SYT16: variants seen among roughly 807,000 people sequenced by gnomAD.
The protein encoded by SYT16 is synaptotagmin 16.
In SYT16, 42 loss-of-function variants were observed where a neutral mutation model predicts 61.4. That is an observed-to-expected ratio of 0.68 (90% CI 0.53 to 0.89). SYT16 has a LOEUF of 0.89. Among genes scored for constraint, SYT16 ranks in the 40% least tolerant of loss-of-function variants. The pLI is 0.00. For missense variants in SYT16, 804 were observed against 807.3 expected (o/e 1.00, Z 0.05); for synonymous variants, 314 against 302.3 (o/e 1.04, Z -0.40).
At chr14:61,993,042 A>G (rs944571095) in intron 2 of SYT16, among the ~76,000 whole-genome samples, 4 of 151,774 alleles carry the variant, frequency 2.6e-5, no homozygotes, top group Admixed American at 1.3e-4. Flanking sequence ...CGTTTTGATG[A>G]ACAGAGATTA....
chr14:61,888,263 G>A (rs1225270778), intron 1 of SYT16, among the ~76,000 whole-genome samples: 1 of 151,740 alleles, frequency 6.6e-6, no homozygotes, highest in African/African-American at 2.4e-5. Flanking sequence ...GATTACAGGT[G>A]CACGCCACCA....
In SYT16 at chr14:62,104,089, A is replaced by G. The variant is rs1281873870; in HGVS notation, c.*3382A>G. ...TTTCCAGATGAAGTACTATTTAAGT[A>G]GAAACTAGCATTAGGTTAAATCAAA... On this transcript the variant is annotated 3_prime_UTR_variant, in exon 8 of 8. Transcript: ENST00000683842. 6.6e-6 allele frequency: 1 copy of G among 152,248 alleles called. No homozygotes were observed. The highest frequency in any genetic ancestry group is 1.9e-4 in the East Asian group (1 of 5,202). The allele number at this position is 152,248 out of a possible 1,614,324, so 9.4% of individuals were successfully genotyped here.
intron 1 of SYT16, among the ~76,000 whole-genome samples, chr14:61,825,189 A>G (rs549924062): frequency 2.0e-4 from 30 of 152,304 alleles, no homozygotes; most frequent in African/African-American, 7.0e-4. Flanking sequence ...AACAGCTTGT[A>G]AGGGCAGGGT....
chr14:61,923,811 A>G (rs967587050), intron 1 of SYT16, among the ~76,000 whole-genome samples: 1 of 152,160 alleles, frequency 6.6e-6, no homozygotes, highest in African/African-American at 2.4e-5. Context: ...TCATGTCTTT[A>G]TAAAGATTCA....
At position 62,112,346 on chromosome 14, in the gene SYT16, T is replaced by C. The variant is rs1266456839; in HGVS notation, c.*11639T>C. The C allele has an allele frequency of 6.6e-6, 1 of 152,170 alleles. No individual in the cohort carries two copies. The highest frequency in any genetic ancestry group is 6.5e-5 in the Admixed American group (1 of 15,282). The allele number at this position is 152,170 out of a possible 1,614,324, so 9.4% of individuals were successfully genotyped here. A position where few individuals can be genotyped will look rare whatever the true frequency, so the allele number is the denominator to read the frequency against. The stretch of plus-strand genomic sequence containing the variant: ...TATTTTATGCAGTCTAAACACTATT[T>C]CTGTATTAGATATTTAAATGCATGA... On this transcript the variant is annotated 3_prime_UTR_variant, in exon 8 of 8. Transcript: ENST00000683842.
chr14:61,904,193 A>T (rs889875857), intron 1 of SYT16, among the ~76,000 whole-genome samples: 2 of 152,144 alleles, frequency 1.3e-5, no homozygotes, highest in African/African-American at 2.4e-5. Flanking sequence ...CATTCTGTGG[A>T]GTTTTGAATG....
intron 6 of SYT16, among the ~76,000 whole-genome samples, chr14:62,082,304 G>A (rs2056737546): frequency 6.6e-6 from 1 of 152,296 alleles, no homozygotes; most frequent in South Asian, 2.1e-4. Context: ...GTCCAATGAT[G>A]TCTCAAAATT....
At chr14:62,005,716 GC>G (rs2053194733) in intron 3 of SYT16, among the ~76,000 whole-genome samples, 1 of 152,066 alleles carries the variant, frequency 6.6e-6, no homozygotes, top group Non-Finnish European at 1.5e-5. Context: ...TTATACTATG[GC>G]CCCTTTTAAC....
chr14:62,010,806 T>C (rs2140701703), intron 3 of SYT16, among the ~76,000 whole-genome samples: 1 of 152,290 alleles, frequency 6.6e-6, no homozygotes. Flanking sequence ...TATCAGAGCC[T>C]ATTTCAAAAC....
chr14:61,887,246 C>T (rs1311731049), intron 1 of SYT16, among the ~76,000 whole-genome samples: 1 of 152,188 alleles, frequency 6.6e-6, no homozygotes, highest in African/African-American at 2.4e-5. Context: ...GATCTCAACA[C>T]TGGGCTTACA....
At chr14:61,832,665 T>A (rs1342032616) in intron 1 of SYT16, among the ~76,000 whole-genome samples, 1 of 152,166 alleles carries the variant, frequency 6.6e-6, no homozygotes, top group Non-Finnish European at 1.5e-5. Flanking sequence ...CTCGGACACC[T>A]GACCTCAGGT....
intron 1 of SYT16, among the ~76,000 whole-genome samples, chr14:61,830,949 C>G (rs1157318374): frequency 6.6e-6 from 1 of 152,204 alleles, no homozygotes; most frequent in Admixed American, 6.5e-5. Context: ...AGATGCGGTT[C>G]TTTTGTGGTG....
intron 1 of SYT16, among the ~76,000 whole-genome samples, chr14:61,815,955 A>G (rs1371327486): frequency 2.0e-5 from 3 of 152,152 alleles, no homozygotes; most frequent in Admixed American, 2.0e-4. Flanking sequence ...ATTTCTTAGG[A>G]TCAGCCAGGC....
At chr14:62,072,808 G>A (rs1224755388) in intron 4 of SYT16, among the ~76,000 whole-genome samples, 2 of 152,056 alleles carry the variant, frequency 1.3e-5, no homozygotes, top group African/African-American at 2.4e-5. Flanking sequence ...AGGTTTGGGA[G>A]TATGAAAAAA....
intron 1 of SYT16, among the ~76,000 whole-genome samples, chr14:61,855,848 G>C (rs1004239989): frequency 6.6e-6 from 1 of 152,240 alleles, no homozygotes; most frequent in African/African-American, 2.4e-5. Flanking sequence ...CCATGAAAGA[G>C]GGTCCAGTCC....
Position 62,105,833 on chromosome 14 carries a change from C to T in SYT16, c.*5126C>T, listed in dbSNP as rs562601512. The T allele has an allele frequency of 3.3e-5, 5 of 152,312 alleles. No individual in the cohort carries two copies. The South Asian group carries it at 1.0e-3, about 32-fold the overall frequency. 9.4% of individuals were successfully genotyped at this position (152,312 alleles called of 1,614,324 possible). On this transcript the variant is annotated 3_prime_UTR_variant, in exon 8 of 8. Transcript: ENST00000683842. ...CTGGGATGAGAAGTGCGAGGCTACA[C>T]TCCTAATATAATCAAATTGCCAAAG... is the stretch of plus-strand genomic sequence containing the variant.
At chr14:61,920,954 T>C (rs1566681517) in intron 1 of SYT16, among the ~76,000 whole-genome samples, 1 of 152,304 alleles carries the variant, frequency 6.6e-6, no homozygotes, top group African/African-American at 2.4e-5. Context: ...TCATAACTAC[T>C]AGGTTAAGCA....
intron 3 of SYT16, among the ~76,000 whole-genome samples, chr14:62,057,958 CA>C (rs1168706221): frequency 6.6e-6 from 1 of 152,144 alleles, no homozygotes; most frequent in East Asian, 1.9e-4. Flanking sequence ...CCACCCCAGG[CA>C]ACCATGGATC....
chr14:61,965,073 A>G (rs1441887839), intron 1 of SYT16, among the ~76,000 whole-genome samples: 1 of 152,122 alleles, frequency 6.6e-6, no homozygotes, highest in Non-Finnish European at 1.5e-5. Flanking sequence ...CTTTATTGTG[A>G]TGGTCTGGAG....
Sources: gnomAD v4.1 joint callset for allele counts (sites outside exome capture counted in the v4.1 genomes callset) on GRCh38, gnomAD v4.1.1 for gene constraint, MANE v1.5 for transcripts, NCBI Gene and HGNC (gene_info 2026-07-23, HGNC 2026-07-21) for gene names.